ATPAF1: variants seen among roughly 807,000 people sequenced by gnomAD.
The protein encoded by ATPAF1 is ATP synthase mitochondrial F1 complex assembly factor 1, also known as homolog of yeast ATP11.
A neutral mutation model predicts 43.9 loss-of-function variants in ATPAF1; 26 were observed. That is an observed-to-expected ratio of 0.59 (90% CI 0.43 to 0.82). The LOEUF (loss-of-function observed/expected upper bound fraction) is 0.82, where lower values mean the gene tolerates loss of function less well. Ranked by LOEUF, ATPAF1 falls within the 40% of genes least tolerant of loss-of-function variation. ATPAF1 has a pLI of 0.00. For synonymous variants in ATPAF1, 157 were observed against 168.0 expected (o/e 0.93, Z 0.50); for missense variants, 366 against 435.0 (o/e 0.84, Z 1.41).
intron 2 of ATPAF1, among the ~76,000 whole-genome samples, chr1:46,663,174 G>A (rs1313726082): frequency 2.0e-5 from 3 of 152,150 alleles, no homozygotes; most frequent in Admixed American, 6.5e-5. Flanking sequence ...TCTTGATTCA[G>A]TCTATCATTG....
chr1:46,656,156 T>TA (rs1225477970), intron 4 of ATPAF1, among the ~76,000 whole-genome samples: 1 of 152,116 alleles, frequency 6.6e-6, no homozygotes, highest in African/African-American at 2.4e-5. Flanking sequence ...GATTAGGAGT[T>TA]AGAGTAGGGA....
chr1:46,635,701 G>C (rs1675823893), exon 9 of ATPAF1: 1 of 1,414,778 alleles, frequency 7.1e-7, no homozygotes, highest in African/African-American at 1.4e-5. Flanking sequence ...CTGAGCTCTT[G>C]AGTTCCTGAG....
intron 6 of ATPAF1, among the ~76,000 whole-genome samples, chr1:46,648,986 A>T (rs1676110362): frequency 1.3e-5 from 2 of 151,908 alleles, no homozygotes; most frequent in African/African-American, 2.4e-5. Flanking sequence ...CTCAAAAAAA[A>T]AATGGTCTCT....
At chr1:46,648,542 A>C (rs1344941939) in intron 6 of ATPAF1, among the ~76,000 whole-genome samples, 1 of 152,070 alleles carries the variant, frequency 6.6e-6, no homozygotes, top group African/African-American at 2.4e-5. Flanking sequence ...GTGCTTGAAA[A>C]ATTTTTTTTA....
chr1:46,634,132 G>A (rs1675795663), downstream of ATPAF1: 1 of 306,886 alleles, frequency 3.3e-6, no homozygotes, highest in South Asian at 2.9e-5. Context: ...ACACGGCTCA[G>A]AGAATAGTGG....
At chr1:46,657,556 A>G (rs1292607133) in intron 4 of ATPAF1, among the ~76,000 whole-genome samples, 1 of 152,230 alleles carries the variant, frequency 6.6e-6, no homozygotes, top group African/African-American at 2.4e-5. Context: ...GTTCTAAGTG[A>G]TAATAAATGT....
intron 8 of ATPAF1, among the ~76,000 whole-genome samples, chr1:46,640,471 G>A (rs1403362566): frequency 6.6e-6 from 1 of 152,094 alleles, no homozygotes; most frequent in African/African-American, 2.4e-5. Flanking sequence ...TTAGCCAGGT[G>A]TGGTGGCACA....
intron 8 of ATPAF1, 41 bp from the exon 9 acceptor site, chr1:46,636,011 G>A (rs1675832835): frequency 1.9e-6 from 3 of 1,600,440 alleles, no homozygotes; most frequent in Admixed American, 1.7e-5. Context: ...TCTTGCACAG[G>A]GCCACAAAGC....
rs11800519 is a variant in ATPAF1, at chr1:46,659,018, C to T, written c.376-281G>A. Among the ~76,000 whole-genome samples the T allele has an allele frequency of 4.7e-3, 713 of 151,952 alleles. 4 individuals carry two copies. The highest frequency in any genetic ancestry group is 0.017 in the African/African-American group (686 of 41,420). ...CAGCCTGGCCAACATGGTGAAACCC[C>T]GTCTCTACTAAAAATACAAAAAATT... On this transcript the variant is annotated intron_variant, in intron 2 of 8. Transcript: ENST00000574428.
At chr1:46,633,430 C>A, downstream of ATPAF1, 1 of 209,854 alleles carries the variant, frequency 4.8e-6, no homozygotes, top group Non-Finnish European at 9.5e-6. Flanking sequence ...AAAAAAACCC[C>A]AAAATTAGAT....
Position 46,653,962 on chromosome 1 carries a change from G to T in ATPAF1, c.490-95C>A. 1 of 1,169,040 alleles carries T rather than the reference G, an allele frequency of 8.6e-7. No individual in the cohort carries two copies. 72.4% of individuals were successfully genotyped at this position (1,169,040 alleles called of 1,614,324 possible). A position where few individuals can be genotyped will look rare whatever the true frequency, so the allele number is the denominator to read the frequency against. ...CAGTTTTCATTGCTCAGAGGAATAT[G>T]CTATTTGATAACAGAGAGGAAAAAC... On this transcript the variant is annotated intron_variant, in intron 4 of 8. Coordinates refer to ENST00000574428, the Ensembl canonical transcript of ATPAF1. This position sits in a 1 kb window ranked among gnomAD's most constrained non-coding sequence, Gnocchi z 4.8.
At chr1:46,635,062 TTTTA>T (rs1675811400) in exon 9 of ATPAF1, 1 of 152,658 alleles carries the variant, frequency 6.6e-6, no homozygotes, top group South Asian at 2.1e-4. Context: ...TACAAAAGAA[TTTTA>T]TTTATACTGC....
intron 2 of ATPAF1, among the ~76,000 whole-genome samples, chr1:46,663,117 A>G (rs1362144814): frequency 2.6e-5 from 4 of 152,224 alleles, no homozygotes; most frequent in African/African-American, 9.6e-5. Context: ...TGAACTCATC[A>G]TTTTTTATGG....
At chr1:46,638,356 C>A (rs575259131) in intron 8 of ATPAF1, among the ~76,000 whole-genome samples, 85 of 152,292 alleles carry the variant, frequency 5.6e-4, no homozygotes, top group Non-Finnish European at 9.7e-4. Flanking sequence ...TGGTGGCTCA[C>A]GCCTATAATC....
chr1:46,651,190 C>T (rs1224910729), intron 6 of ATPAF1, among the ~76,000 whole-genome samples: 1 of 151,946 alleles, frequency 6.6e-6, no homozygotes, highest in Non-Finnish European at 1.5e-5. Context: ...TGATGTTCTC[C>T]TTCCTGTGTC....
chr1:46,641,718 A>G (rs744096), intron 8 of ATPAF1, among the ~76,000 whole-genome samples: 39,871 of 152,012 alleles, frequency 0.26, 5,522 homozygotes, highest in East Asian at 0.38. Flanking sequence ...TGAAACATTC[A>G]ATTTTAGCTT....
At chr1:46,654,911 G>A (rs1356731842) in intron 4 of ATPAF1, among the ~76,000 whole-genome samples, 3 of 152,190 alleles carry the variant, frequency 2.0e-5, no homozygotes, top group Middle Eastern at 6.8e-3. Context: ...TGGTGTAAAT[G>A]TGCCATATTT....
chr1:46,646,761 T>C (rs1347029799), intron 6 of ATPAF1, among the ~76,000 whole-genome samples: 1 of 152,216 alleles, frequency 6.6e-6, no homozygotes, highest in African/African-American at 2.4e-5. Context: ...GAGTGTGACA[T>C]ATGTGTACTG....
exon 9 of ATPAF1, chr1:46,635,566 T>C: frequency 3.6e-6 from 2 of 551,592 alleles, no homozygotes; most frequent in Non-Finnish European, 6.4e-6. Context: ...ACCTCAAGTA[T>C]GCTGAGATAA....
Sources: allele counts gnomAD v4.1 joint callset (sites outside exome capture counted in the v4.1 genomes callset), GRCh38; gene constraint gnomAD v4.1.1; non-coding constraint Gnocchi (gnomAD v3.1); transcripts MANE v1.5; gene names NCBI Gene and HGNC (gene_info 2026-07-23, HGNC 2026-07-21).